GSE1: variants seen among roughly 807,000 people sequenced by gnomAD.
GSE1 encodes the protein genetic suppressor element 1.
In GSE1, 32 loss-of-function variants were observed where a neutral mutation model predicts 112.6. That is an observed-to-expected ratio of 0.28 (90% CI 0.21 to 0.38). GSE1 has a LOEUF of 0.38. Ranked by LOEUF, GSE1 falls within the 10% of genes least tolerant of loss-of-function variation. The pLI is 1.00. For synonymous variants in GSE1, 1,115 were observed against 735.6 expected (o/e 1.52, Z -8.35); for missense variants, 2,348 against 1,699.2 (o/e 1.38, Z -6.71).
intron 2 of GSE1, among the ~76,000 whole-genome samples, chr16:85,431,018 T>A (rs895771446): frequency 2.0e-5 from 3 of 152,132 alleles, no homozygotes; most frequent in African/African-American, 7.2e-5. Flanking sequence ...GGCTGAGGGT[T>A]TTTTAAAGCT....
At position 85,519,534 on chromosome 16, in the gene GSE1, C is replaced by T. The variant is rs1451194095; in HGVS notation, c.2465-114380C>T. Among the ~76,000 whole-genome samples, 85 of 52,738 alleles carry T rather than the reference C, an allele frequency of 1.6e-3. 29 individuals are homozygous for T. Among genetic ancestry groups the T allele is most frequent in the African/African-American group, 5.9e-3 (80 of 13,528 alleles). 34.6% of individuals were successfully genotyped at this position (52,738 alleles called of 152,430 possible). On this transcript the variant is annotated intron_variant, in intron 2 of 2. Transcript: ENST00000637419. Reference sequence around the variant, plus strand: ...GTCTCCATCATCATCACCTTCACCACCATCATCACTATTACCACCATCACT... The same window carrying T: ...GTCTCCATCATCATCACCTTCACCATCATCATCACTATTACCACCATCACT...
chr16:85,467,606 T>C (rs2050161654), intron 2 of GSE1, among the ~76,000 whole-genome samples: 1 of 152,168 alleles, frequency 6.6e-6, no homozygotes, highest in African/African-American at 2.4e-5. Flanking sequence ...ACCTGGTGGC[T>C]GGACATCTTA....
intron 2 of GSE1, among the ~76,000 whole-genome samples, chr16:85,384,099 C>T (rs1030416088): frequency 1.6e-4 from 25 of 152,120 alleles, no homozygotes; most frequent in Admixed American, 8.5e-4. Flanking sequence ...CTCGACCCTC[C>T]GGCCTTGCTA....
rs62639323 is a variant in GSE1, at chr16:85,656,519, G to T, written c.1166G>T (p.Arg389Leu). ...CGCGAGCGCGAGCTGGAGCGCCAGC[G>T]GGAGCAGCGGGCCCGGGAGAAGGAG... ...KERERELERQ[R>L]EQRAREKELL... is the part of the protein sequence containing the mutation. The change falls in exon 7 of 16, where the codon CGG (arginine) becomes CTG (leucine). Residue 389 changes from arginine (R) to leucine (L), a missense_variant. Coordinates refer to ENST00000253458, the MANE Select transcript of GSE1 (RefSeq NM_014615.5). The T allele has an allele frequency of 1.2e-5, 18 of 1,549,224 alleles. No homozygotes were observed. The African/African-American group carries it at 2.2e-4, about 19-fold the overall frequency.
At chr16:85,613,233 A>G, upstream of GSE1, 1 of 1,510,556 alleles carries the variant, frequency 6.6e-7, no homozygotes, top group Non-Finnish European at 8.8e-7. Context: ...CGGCGACAGC[A>G]GCAGGTGTTT....
intron 1 of GSE1, among the ~76,000 whole-genome samples, chr16:85,208,530 C>T (rs1259846170): frequency 1.3e-5 from 2 of 152,236 alleles, no homozygotes; most frequent in East Asian, 1.9e-4. Flanking sequence ...CACCACCTGT[C>T]CCCTTTCACA....
intron 2 of GSE1, among the ~76,000 whole-genome samples, chr16:85,456,580 G>A (rs76712317): frequency 0.068 from 530 of 7,834 alleles, 8 homozygotes; most frequent in African/African-American, 0.19. Context: ...TTTTCCTGCC[G>A]TGTGTGTGTG....
At chr16:85,243,783 G>A (rs1332425850) in intron 1 of GSE1, among the ~76,000 whole-genome samples, 3 of 152,202 alleles carry the variant, frequency 2.0e-5, no homozygotes, top group Non-Finnish European at 4.4e-5. Flanking sequence ...CATTTTTGGG[G>A]AGTCCAAGCA....
rs138820472 is a variant in GSE1 at position 85,645,508 on chromosome 16, C to A, written c.227-3044C>A. 1.1e-4 allele frequency among the ~76,000 whole-genome samples: 16 copies of A among 152,276 alleles called. No individual in the cohort carries two copies. The East Asian group carries it at 3.1e-3, about 29-fold the overall frequency. On this transcript the variant is annotated intron_variant, in intron 2 of 15. Coordinates refer to ENST00000253458, the MANE Select transcript of GSE1 (RefSeq NM_014615.5). ...CTTGCCCTCGGGACAGGGCAGCTGC[C>A]CCACCCCAAGGGAGCACCTTTGGGA... is the stretch of plus-strand genomic sequence containing the variant.
At chr16:85,387,390 G>A (rs1364398002) in intron 2 of GSE1, among the ~76,000 whole-genome samples, 1 of 152,196 alleles carries the variant, frequency 6.6e-6, no homozygotes, top group African/African-American at 2.4e-5. Context: ...CACGCATGCT[G>A]AAGCCGTTGT....
At chr16:85,185,820 C>G (rs1214099931) in intron 1 of GSE1, among the ~76,000 whole-genome samples, 1 of 152,226 alleles carries the variant, frequency 6.6e-6, no homozygotes, top group Admixed American at 6.5e-5. Flanking sequence ...TGGTCTGAAC[C>G]CTCCCTGGGG....
At position 85,212,177 on chromosome 16, in the gene GSE1, C is replaced by T. The variant is rs189540809; in HGVS notation, c.2283+40370C>T. On this transcript the variant is annotated intron_variant, in intron 1 of 2. Coordinates refer to the GSE1 transcript ENST00000637419. ...TCCCAGCATTTTGGGAGGCCGAGACCGGCAGAACACTTGAGGTCAGGAGAT... is the reference window on the plus strand; with the variant it reads ...TCCCAGCATTTTGGGAGGCCGAGACTGGCAGAACACTTGAGGTCAGGAGAT... Among the ~76,000 whole-genome samples the T allele has an allele frequency of 8.0e-4, 121 of 152,140 alleles. 2 individuals are homozygous for T. In the Middle Eastern group the frequency reaches 0.01, roughly 13 times the overall value.
At chr16:85,384,064 A>G (rs888345071) in intron 2 of GSE1, among the ~76,000 whole-genome samples, 10 of 152,166 alleles carry the variant, frequency 6.6e-5, no homozygotes, top group Admixed American at 5.9e-4. Context: ...TCCTTTTTCC[A>G]GGCTGCTCCA....
chr16:85,253,142 C>A (rs368360905), intron 1 of GSE1, among the ~76,000 whole-genome samples: 41 of 141,148 alleles, frequency 2.9e-4, no homozygotes, highest in African/African-American at 9.9e-4. Context: ...ATATGGCGGG[C>A]ATATGCCACG....
Position 85,532,353 on chromosome 16 carries a change from C to T in GSE1, c.2465-101561C>T, listed in dbSNP as rs373612266. 1.1e-4 allele frequency among the ~76,000 whole-genome samples: 16 copies of T among 152,116 alleles called. No individual in the cohort carries two copies. In the East Asian group the frequency reaches 1.3e-3, roughly 13 times the overall value. On this transcript the variant is annotated intron_variant, in intron 2 of 2. Coordinates refer to the GSE1 transcript ENST00000637419. ...ATGGCTCACTGCAGCCTTGACCTCCCGGGCTCAAGCAATCCTCCTGACTCA... is the reference window on the plus strand; with the variant it reads ...ATGGCTCACTGCAGCCTTGACCTCCTGGGCTCAAGCAATCCTCCTGACTCA...
chr16:85,221,391 A>G (rs1423076358), intron 1 of GSE1, among the ~76,000 whole-genome samples: 3 of 151,982 alleles, frequency 2.0e-5, no homozygotes, highest in African/African-American at 7.3e-5. Context: ...ACCCACATGC[A>G]TACACACATA....
intron 2 of GSE1, among the ~76,000 whole-genome samples, chr16:85,502,192 G>A (rs2051391433): frequency 6.6e-6 from 1 of 152,212 alleles, no homozygotes; most frequent in African/African-American, 2.4e-5. Flanking sequence ...ACAGCCAGGG[G>A]GACCATATGG....
chr16:85,330,127 T>C (rs1336711133), intron 1 of GSE1, among the ~76,000 whole-genome samples: 2 of 152,194 alleles, frequency 1.3e-5, no homozygotes, highest in Non-Finnish European at 2.9e-5. Context: ...ATGCCTGCTG[T>C]GCTGGGCCGA....
At position 85,673,343 on chromosome 16, in the gene GSE1, A is replaced by AAAAC. The variant is rs907628366; in HGVS notation, c.*808_*811dup. Reference sequence around the variant, plus strand: ...TGTACTGTGTATATATATTAAAAAAAAAACAAAGTTTTGTATGTTTTTATT... The same window carrying AAAAC: ...TGTACTGTGTATATATATTAAAAAAAAAACAAACAAAGTTTTGTATGTTTTTATT... On this transcript the variant is annotated 3_prime_UTR_variant, in exon 16 of 16. Coordinates refer to ENST00000253458, the MANE Select transcript of GSE1 (RefSeq NM_014615.5). The AAAAC allele has an allele frequency of 6.6e-6, 1 of 152,558 alleles. No homozygotes were observed. The highest frequency in any genetic ancestry group is 1.5e-5 in the Non-Finnish European group (1 of 68,022). 9.5% of individuals were successfully genotyped at this position (152,558 alleles called of 1,614,324 possible). A position where few individuals can be genotyped will look rare whatever the true frequency, so the allele number is the denominator to read the frequency against.
Sources: allele counts gnomAD v4.1 joint callset (sites outside exome capture counted in the v4.1 genomes callset), GRCh38; gene constraint gnomAD v4.1.1; transcripts MANE v1.5; gene names NCBI Gene and HGNC (gene_info 2026-07-23, HGNC 2026-07-21).